UBR1: variants seen among roughly 807,000 people sequenced by gnomAD.
UBR1 encodes the protein ubiquitin protein ligase E3 component n-recognin 1, also known as E3 ubiquitin-protein ligase UBR1.
UBR1 carries 102 observed loss-of-function variants against 242.1 expected under a neutral mutation model. The ratio of observed to expected loss-of-function variants is 0.42; its 90% CI spans 0.36 to 0.50. The LOEUF is 0.50. UBR1 is among the 20% of genes least tolerant of loss of function. UBR1 has a pLI of 0.01. For synonymous variants in UBR1, 675 were observed against 684.8 expected (o/e 0.99, Z 0.22); for missense variants, 1,772 against 2,101.8 (o/e 0.84, Z 3.07).
At chr15:43,047,122 C>T (rs373657446) in intron 14 of UBR1, 39 bp downstream of exon 14, 20 of 1,612,208 alleles carry the variant, frequency 1.2e-5, no homozygotes, top group Non-Finnish European at 1.6e-5. Context: ...TTACTAAGAA[C>T]TTAAAAAGGC....
At chr15:43,043,517 C>T in intron 14 of UBR1, 122 bp from the exon 15 acceptor site, 1 of 894,568 alleles carries the variant, frequency 1.1e-6, no homozygotes, top group Admixed American at 2.0e-5. Flanking sequence ...TCACAGCTCA[C>T]TGCAGCCTCA....
intron 1 of UBR1, among the ~76,000 whole-genome samples, chr15:43,091,564 A>C (rs763311113): frequency 1.3e-5 from 2 of 152,182 alleles, no homozygotes; most frequent in Non-Finnish European, 2.9e-5. Flanking sequence ...TTAGCTAACA[A>C]CTACCGAACA....
chr15:43,091,165 C>G (rs925349751), intron 1 of UBR1, among the ~76,000 whole-genome samples: 1 of 151,932 alleles, frequency 6.6e-6, no homozygotes, highest in Non-Finnish European at 1.5e-5. Flanking sequence ...CTTGAACTCC[C>G]GACCTCAGGT....
intron 6 of UBR1, among the ~76,000 whole-genome samples, chr15:43,062,260 C>T (rs1303808353): frequency 2.0e-5 from 3 of 152,042 alleles, no homozygotes; most frequent in African/African-American, 7.3e-5. Flanking sequence ...ACAAGATGAA[C>T]AGGCAAACAA....
chr15:43,052,822 T>C (rs975772459), intron 12 of UBR1, among the ~76,000 whole-genome samples: 2 of 152,190 alleles, frequency 1.3e-5, no homozygotes, highest in Non-Finnish European at 2.9e-5. Flanking sequence ...GTAGATTTTG[T>C]GTTGTTGTTT....
chr15:43,101,221 TTATAAG>T (rs372431167), intron 1 of UBR1, among the ~76,000 whole-genome samples: 18 of 149,320 alleles, frequency 1.2e-4, no homozygotes, highest in Non-Finnish European at 1.8e-4. Flanking sequence ...TGTAATGAGT[TTATAAG>T]TATAAGAGAA....
intron 4 of UBR1, among the ~76,000 whole-genome samples, chr15:43,074,400 C>A (rs2033860974): frequency 1.3e-5 from 2 of 152,090 alleles, no homozygotes; most frequent in African/African-American, 4.8e-5. Context: ...TTAATAATTA[C>A]TTCCTTTTGT....
chr15:43,082,181 T>C (rs2033982237), intron 3 of UBR1, among the ~76,000 whole-genome samples: 1 of 152,164 alleles, frequency 6.6e-6, no homozygotes, highest in Non-Finnish European at 1.5e-5. Flanking sequence ...AAAACATTTC[T>C]ATTAAAAACA....
At chr15:43,074,525 T>C (rs2033862430) in intron 4 of UBR1, among the ~76,000 whole-genome samples, 1 of 152,078 alleles carries the variant, frequency 6.6e-6, no homozygotes, top group African/African-American at 2.4e-5. Context: ...ACCTCCCAGG[T>C]TCAAGTGATT....
At position 43,085,293 on chromosome 15, in the gene UBR1, C is replaced by T. The variant is rs1386761171; in HGVS notation, c.338+691G>A. Among the ~76,000 whole-genome samples the T allele has an allele frequency of 2.6e-5, 4 of 152,198 alleles. No individual in the cohort carries two copies. The East Asian group carries it at 5.8e-4, about 22-fold the overall frequency. ...AAGATTGTGTTTGATTACAGTGTCCCGCCCTGACTCTGCTGGGGAAGTATT... is the reference window on the plus strand; with the variant it reads ...AAGATTGTGTTTGATTACAGTGTCCTGCCCTGACTCTGCTGGGGAAGTATT... On this transcript the variant is annotated intron_variant, in intron 2 of 46. Coordinates refer to ENST00000290650, the MANE Select transcript of UBR1 (RefSeq NM_174916.3).
chr15:42,956,429 C>G (rs748473984), intron 44 of UBR1, among the ~76,000 whole-genome samples: 1 of 152,224 alleles, frequency 6.6e-6, no homozygotes, highest in Non-Finnish European at 1.5e-5. Flanking sequence ...AAGTGATTCT[C>G]ACGCCTCAGC....
intron 3 of UBR1, among the ~76,000 whole-genome samples, chr15:43,081,249 T>C (rs1049687098): frequency 6.6e-6 from 1 of 151,904 alleles, no homozygotes; most frequent in African/African-American, 2.4e-5. Flanking sequence ...AAACCCCATG[T>C]GTATTAAAAA....
intron 35 of UBR1, among the ~76,000 whole-genome samples, chr15:42,988,269 ATGTGTGTGTG>A (rs112501912): frequency 1.4e-5 from 2 of 147,804 alleles, no homozygotes; most frequent in Non-Finnish European, 3.0e-5. Context: ...AAAGGAATAT[ATGTGTGTGTG>A]TGTGTGTGTG....
At chr15:43,053,758 A>G (rs1028511524) in intron 12 of UBR1, among the ~76,000 whole-genome samples, 6 of 151,442 alleles carry the variant, frequency 4.0e-5, no homozygotes, top group Non-Finnish European at 7.4e-5. Context: ...GTACCTGGCT[A>G]ATTTTTATTT....
intron 40 of UBR1, among the ~76,000 whole-genome samples, chr15:42,969,235 T>C (rs1405869005): frequency 6.6e-6 from 1 of 152,234 alleles, no homozygotes; most frequent in African/African-American, 2.4e-5. Context: ...TGGTATCCCA[T>C]TGTGCTTTTG....
chr15:43,101,455 T>G (rs781105662), intron 1 of UBR1, among the ~76,000 whole-genome samples: 2 of 152,106 alleles, frequency 1.3e-5, no homozygotes, highest in Non-Finnish European at 2.9e-5. Flanking sequence ...GGAGGTGCTG[T>G]CTACTGAGAC....
Position 43,043,325 on chromosome 15 carries a change from G to C in UBR1, c.1739C>G (p.Ser580Cys). The change falls in exon 15 of 47, where the codon TCT becomes TGT. Residue 580 changes from serine to cysteine, a missense_variant. Ser to Cys is a moderately radical substitution (Grantham distance 112). Transcript: ENST00000290650. ...AVMRCSTSFI[S>C]SSKTVVQSCG... The stretch of plus-strand genomic sequence containing the variant: ...CGATTGTACTACTGTCTTGCTACTA[G>C]ATATGAAACTGGTACTGCACCTCAT... The C allele has an allele frequency of 3.7e-6, 6 of 1,614,010 alleles. No individual in the cohort carries two copies. The highest frequency in any genetic ancestry group is 5.1e-6 in the Non-Finnish European group (6 of 1,179,994).
intron 27 of UBR1, among the ~76,000 whole-genome samples, chr15:43,019,761 AT>A (rs11413335): frequency 9.9e-4 from 137 of 138,176 alleles, no homozygotes; most frequent in African/African-American, 2.2e-3. Context: ...CGCCCAGCTA[AT>A]TTTTTTTTTT....
intron 15 of UBR1, 106 bp downstream of exon 15, chr15:43,043,109 T>A: frequency 8.0e-7 from 1 of 1,254,082 alleles, no homozygotes; most frequent in South Asian, 1.2e-5. Flanking sequence ...GACCTGAGCA[T>A]GTCTGTACAT....
Sources: allele counts gnomAD v4.1 joint callset (sites outside exome capture counted in the v4.1 genomes callset), GRCh38; gene constraint gnomAD v4.1.1; transcripts MANE v1.5; gene names NCBI Gene and HGNC (gene_info 2026-07-23, HGNC 2026-07-21).